Variants in CDK19 observed in about 807,000 individuals in gnomAD.
The protein encoded by CDK19 is cyclin-dependent kinase 19.
CDK19 carries 20 observed loss-of-function variants against 68.3 expected under a neutral mutation model. The ratio of observed to expected loss-of-function variants is 0.29; its 90% CI spans 0.21 to 0.43. CDK19 has a LOEUF of 0.43. CDK19 is among the 20% of genes least tolerant of loss of function. The pLI is 1.00. For synonymous variants in CDK19, 221 were observed against 222.8 expected (o/e 0.99, Z 0.07); for missense variants, 339 against 623.5 (o/e 0.54, Z 4.86).
intron 2 of CDK19, among the ~76,000 whole-genome samples, chr6:110,714,722 C>CT (rs112875656): frequency 0.45 from 31,010 of 69,538 alleles, 4,047 homozygotes; most frequent in East Asian, 0.61. Context: ...AATGTCTTTT[C>CT]TTTTTTTTTT....
chr6:110,621,018 T>G lies in CDK19; in HGVS notation c.1377+86A>C, dbSNP rs1323013940. 4.7e-6 allele frequency: 6 copies of G among 1,284,572 alleles called. No individual in the cohort carries two copies. The highest frequency in any genetic ancestry group is 6.5e-6 in the Non-Finnish European group (6 of 927,834). 79.6% of individuals were successfully genotyped at this position (1,284,572 alleles called of 1,614,324 possible). A position where few individuals can be genotyped will look rare whatever the true frequency, so the allele number is the denominator to read the frequency against. ...GGATTGCACAGTCAAATGTAAGAGT[T>G]AAGTGTTACTTAACTCTAAAAGGAT... On this transcript the variant is annotated intron_variant, in intron 12 of 12. Coordinates refer to ENST00000368911, the MANE Select transcript of CDK19 (RefSeq NM_015076.5). The surrounding 1 kb of genome is among the most constrained non-coding windows in gnomAD (Gnocchi z 5.4).
chr6:110,753,478 G>A (rs1778616491), intron 1 of CDK19, among the ~76,000 whole-genome samples: 3 of 151,186 alleles, frequency 2.0e-5, no homozygotes, highest in Admixed American at 1.3e-4. Context: ...CGACCTCCCA[G>A]ACTCAAGCAA....
intron 2 of CDK19, among the ~76,000 whole-genome samples, chr6:110,709,594 AAATAGC>A (rs1214449331): frequency 2.6e-5 from 4 of 152,200 alleles, no homozygotes; most frequent in Non-Finnish European, 5.9e-5. Context: ...TTTATTATGT[AAATAGC>A]AAATAGACTT....
chr6:110,777,544 G>A (rs1780494142), intron 1 of CDK19, among the ~76,000 whole-genome samples: 1 of 152,184 alleles, frequency 6.6e-6, no homozygotes, highest in Non-Finnish European at 1.5e-5. Flanking sequence ...CTGTTGGCAG[G>A]AGCATAAAAT....
intron 1 of CDK19, among the ~76,000 whole-genome samples, chr6:110,765,572 T>C (rs1374881542): frequency 2.6e-5 from 4 of 151,028 alleles, no homozygotes; most frequent in Non-Finnish European, 2.9e-5. Flanking sequence ...TCCCAGCTAC[T>C]TGGGAGGCTG....
intron 2 of CDK19, among the ~76,000 whole-genome samples, chr6:110,719,432 G>C (rs1775653599): frequency 6.6e-6 from 1 of 152,134 alleles, no homozygotes; most frequent in South Asian, 2.1e-4. Flanking sequence ...GCTGAGGTGA[G>C]GGGAGCACTT....
At chr6:110,709,309 T>C (rs1582916192) in intron 2 of CDK19, among the ~76,000 whole-genome samples, 1 of 152,022 alleles carries the variant, frequency 6.6e-6, no homozygotes, top group African/African-American at 2.4e-5. Flanking sequence ...GAGTGTGATA[T>C]ACAGATGAAT....
intron 4 of CDK19, among the ~76,000 whole-genome samples, chr6:110,660,284 G>C (rs567829582): frequency 1.3e-5 from 2 of 152,104 alleles, no homozygotes; most frequent in Non-Finnish European, 2.9e-5. Flanking sequence ...GCAGGCGAGT[G>C]GGTACAGGAG....
chr6:110,725,224 A>G (rs1776235255), intron 2 of CDK19, among the ~76,000 whole-genome samples: 2 of 152,202 alleles, frequency 1.3e-5, no homozygotes, highest in African/African-American at 4.8e-5. Flanking sequence ...AACAGTAGCC[A>G]AACTAGAATA....
chr6:110,782,622 T>G (rs1461863158), intron 1 of CDK19, among the ~76,000 whole-genome samples: 1 of 152,196 alleles, frequency 6.6e-6, no homozygotes, highest in African/African-American at 2.4e-5. Flanking sequence ...TTTCACTGCC[T>G]ATTTTTTTAT....
In CDK19 at chr6:110,651,232, A is replaced by ACTATCTATCTATCTATCTATCTAT. The variant is rs61558536; in HGVS notation, c.457-12550_457-12527dup. Reference sequence around the variant, plus strand: ...ATTTTTAAATAGTTGAAATAGATCTACTATCTATCTATCTATCTATCTATC... The same window carrying ACTATCTATCTATCTATCTATCTAT: ...ATTTTTAAATAGTTGAAATAGATCTACTATCTATCTATCTATCTATCTATCTATCTATCTATCTATCTATCTATC... On this transcript the variant is annotated intron_variant, in intron 4 of 12. Transcript: ENST00000368911. Among the ~76,000 whole-genome samples, 115 of 149,936 alleles carry ACTATCTATCTATCTATCTATCTAT rather than the reference A, an allele frequency of 7.7e-4. 2 individuals are homozygous for ACTATCTATCTATCTATCTATCTAT. The highest frequency in any genetic ancestry group is 3.4e-3 in the Middle Eastern group (1 of 294).
intron 2 of CDK19, among the ~76,000 whole-genome samples, chr6:110,692,437 A>G (rs1186088860): frequency 1.3e-5 from 2 of 149,904 alleles, no homozygotes; most frequent in Admixed American, 1.3e-4. Context: ...TCACAAAAGG[A>G]AAAAAAAAAG....
At chr6:110,674,842 C>T (rs902495608) in intron 2 of CDK19, among the ~76,000 whole-genome samples, 7 of 149,808 alleles carry the variant, frequency 4.7e-5, no homozygotes, top group African/African-American at 1.7e-4. Flanking sequence ...GCAGAGGTTG[C>T]AGTGAGCTGA....
chr6:110,705,692 C>A (rs1265696639), intron 2 of CDK19, among the ~76,000 whole-genome samples: 1 of 152,192 alleles, frequency 6.6e-6, no homozygotes, highest in African/African-American at 2.4e-5. Context: ...ACCTTCCTCC[C>A]AGAAGCGGAA....
intron 4 of CDK19, among the ~76,000 whole-genome samples, chr6:110,647,396 G>A (rs758914211): frequency 6.6e-6 from 1 of 151,688 alleles, no homozygotes; most frequent in Non-Finnish European, 1.5e-5. Context: ...GGGGGTGGGG[G>A]GGAGGGAAGA....
chr6:110,716,672 C>G (rs1453501524), intron 2 of CDK19, among the ~76,000 whole-genome samples: 1 of 151,968 alleles, frequency 6.6e-6, no homozygotes, highest in East Asian at 1.9e-4. Context: ...AAACAGTGCT[C>G]AGGTAATTTC....
In CDK19 at chr6:110,699,234, C is replaced by T. The variant is rs555808829; in HGVS notation, c.205-28693G>A. ...GAGGTCAGGAGTTCAAGACCAGCCT[C>T]GACAACATGGTGAAACCCTGTCTCT... On this transcript the variant is annotated intron_variant, in intron 2 of 12. Transcript: ENST00000368911. Among the ~76,000 whole-genome samples the T allele has an allele frequency of 7.3e-5, 11 of 151,682 alleles. No homozygotes were observed. In the South Asian group the frequency reaches 1.5e-3, roughly 20 times the overall value.
intron 1 of CDK19, among the ~76,000 whole-genome samples, chr6:110,811,139 T>G (rs897863820): frequency 4.6e-5 from 7 of 152,206 alleles, no homozygotes; most frequent in Admixed American, 2.0e-4. Flanking sequence ...TCTAAAACTT[T>G]GGAAAGTTCT....
intron 6 of CDK19, 31 bp from the exon 7 acceptor site, chr6:110,627,176 A>C (rs372357721): frequency 6.5e-7 from 1 of 1,550,128 alleles, no homozygotes; most frequent in African/African-American, 1.4e-5. Context: ...GTTTTTGTAT[A>C]TATTTCCTTG....
Sources: allele counts gnomAD v4.1 joint callset (sites outside exome capture counted in the v4.1 genomes callset), GRCh38; gene constraint gnomAD v4.1.1; non-coding constraint Gnocchi (gnomAD v3.1); transcripts MANE v1.5; gene names NCBI Gene and HGNC (gene_info 2026-07-23, HGNC 2026-07-21).